Variants in STK32B observed in about 807,000 individuals in gnomAD.
The protein encoded by STK32B is serine/threonine kinase 32B.
Under a neutral mutation model 52.6 loss-of-function variants are expected in STK32B, and 43 were observed. The observed-to-expected ratio is 0.82, with a 90% CI of 0.64 to 1.05. The LOEUF (loss-of-function observed/expected upper bound fraction) is 1.05, where lower values mean the gene tolerates loss of function less well. STK32B is among the 50% of genes least tolerant of loss of function. The pLI, the probability that STK32B is intolerant of heterozygous loss-of-function variation, is 0.00. For missense variants in STK32B, 621 were observed against 534.6 expected (o/e 1.16, Z -1.59); for synonymous variants, 238 against 204.3 (o/e 1.17, Z -1.41).
intron 11 of STK32B, among the ~76,000 whole-genome samples, chr4:5,478,966 G>A (rs1718449778): frequency 6.6e-6 from 1 of 152,192 alleles, no homozygotes; most frequent in Admixed American, 6.5e-5. Flanking sequence ...TGGGCACCTA[G>A]GCTATGGCTC....
upstream of STK32B, among the ~76,000 whole-genome samples, chr4:5,048,121 G>GA (rs1553813344): frequency 1.4e-5 from 2 of 143,690 alleles, no homozygotes; most frequent in African/African-American, 2.5e-5. Flanking sequence ...ATAATTTTCT[G>GA]TTTTTTTTTT....
intron 9 of STK32B, among the ~76,000 whole-genome samples, chr4:5,464,932 G>T (rs1317088440): frequency 3.3e-5 from 5 of 152,212 alleles, no homozygotes; most frequent in Non-Finnish European, 7.3e-5. Context: ...GATTCAACTT[G>T]CTCCTTAGGG....
intron 1 of STK32B, among the ~76,000 whole-genome samples, chr4:5,078,065 G>A (rs1712186856): frequency 6.6e-6 from 1 of 152,044 alleles, no homozygotes; most frequent in African/African-American, 2.4e-5. Flanking sequence ...GGCTGCCACA[G>A]CTCCCACAAA....
chr4:5,142,291 G>A (rs140217166), intron 2 of STK32B, among the ~76,000 whole-genome samples: 4 of 152,150 alleles, frequency 2.6e-5, no homozygotes, highest in African/African-American at 7.2e-5. Context: ...TCTTCCCTGG[G>A]GAGTATTTTC....
chr4:5,266,629 A>G (rs966929250), intron 3 of STK32B, among the ~76,000 whole-genome samples: 2 of 152,166 alleles, frequency 1.3e-5, no homozygotes, highest in African/African-American at 4.8e-5. Flanking sequence ...TTTTAGTCTC[A>G]TATTAATTGA....
At chr4:5,139,167 C>G (rs556732509) in intron 1 of STK32B, among the ~76,000 whole-genome samples, 1 of 152,078 alleles carries the variant, frequency 6.6e-6, no homozygotes, top group Non-Finnish European at 1.5e-5. Context: ...CATGGAGCTA[C>G]CTGATGAAAG....
chr4:5,246,849 G>A (rs1298620896), intron 3 of STK32B, among the ~76,000 whole-genome samples: 1 of 152,164 alleles, frequency 6.6e-6, no homozygotes, highest in Non-Finnish European at 1.5e-5. Context: ...TTCAGACCCC[G>A]TTTTCCTGGG....
At chr4:5,185,156 C>T (rs13142045) in intron 3 of STK32B, among the ~76,000 whole-genome samples, 129,408 of 152,246 alleles carry the variant, frequency 0.85, 55,122 homozygotes, top group East Asian at 0.98. Flanking sequence ...GTTCGGACTG[C>T]ATTTTCAAAA....
At chr4:5,257,881 T>G (rs1331932667) in intron 3 of STK32B, among the ~76,000 whole-genome samples, 1 of 152,184 alleles carries the variant, frequency 6.6e-6, no homozygotes, top group African/African-American at 2.4e-5. Context: ...AGGCAGAAGT[T>G]TCAGTGAGCC....
At chr4:5,084,699 C>A (rs1712621083) in intron 1 of STK32B, among the ~76,000 whole-genome samples, 1 of 152,090 alleles carries the variant, frequency 6.6e-6, no homozygotes, top group South Asian at 2.1e-4. Flanking sequence ...GAAAAAGTAA[C>A]TTCTGTAAAA....
intron 4 of STK32B, among the ~76,000 whole-genome samples, chr4:5,372,353 G>A (rs1735297628): frequency 6.6e-6 from 1 of 152,102 alleles, no homozygotes; most frequent in African/African-American, 2.4e-5. Context: ...TGTCCAGCCG[G>A]GCTGTAGGTG....
chr4:5,220,398 T>G (rs1689879423), intron 3 of STK32B, among the ~76,000 whole-genome samples: 1 of 151,960 alleles, frequency 6.6e-6, no homozygotes, highest in African/African-American at 2.4e-5. Flanking sequence ...AGATAGAGAG[T>G]AGTAAACAAA....
At chr4:5,137,954 G>C (rs1038850594) in intron 1 of STK32B, among the ~76,000 whole-genome samples, 2 of 152,162 alleles carry the variant, frequency 1.3e-5, no homozygotes, top group Non-Finnish European at 2.9e-5. Context: ...TTGCTGATTT[G>C]AGGACCCGAC....
chr4:5,191,671 G>A (rs1454374560), intron 3 of STK32B, among the ~76,000 whole-genome samples: 2 of 152,160 alleles, frequency 1.3e-5, no homozygotes, highest in African/African-American at 4.8e-5. Flanking sequence ...TGCTCAGCGA[G>A]TCTGAAAGTT....
chr4:5,482,150 C>T (rs1718770146), intron 11 of STK32B, among the ~76,000 whole-genome samples: 1 of 152,142 alleles, frequency 6.6e-6, no homozygotes, highest in Admixed American at 6.5e-5. Flanking sequence ...ATGGGGATGG[C>T]ATTGAATCTA....
At chr4:5,179,669 A>G (rs1210839499) in intron 3 of STK32B, among the ~76,000 whole-genome samples, 4 of 152,220 alleles carry the variant, frequency 2.6e-5, no homozygotes, top group Non-Finnish European at 5.9e-5. Flanking sequence ...AAAGGTCACC[A>G]GATCATTGGT....
At chr4:5,335,470 C>G (rs561732966) in intron 4 of STK32B, among the ~76,000 whole-genome samples, 2 of 152,180 alleles carry the variant, frequency 1.3e-5, no homozygotes, top group South Asian at 2.1e-4. Context: ...TTTTATGTCT[C>G]TCTTTCCTTC....
chr4:5,243,282 G>A (rs1725176232), intron 3 of STK32B, among the ~76,000 whole-genome samples: 1 of 152,142 alleles, frequency 6.6e-6, no homozygotes, highest in Admixed American at 6.5e-5. Flanking sequence ...TCTCCTTGAA[G>A]AGGTCCTTCA....
At position 5,081,296 on chromosome 4, in the gene STK32B, CTCTT is replaced by C. The variant is rs148464228; in HGVS notation, c.52+29383_52+29386del. Among the ~76,000 whole-genome samples, 1,362 of 152,162 alleles carry C rather than the reference CTCTT, an allele frequency of 9.0e-3. 16 individuals are homozygous for C. Among genetic ancestry groups the C allele is most frequent in the African/African-American group, 0.031 (1,279 of 41,538 alleles). ...TTTCTCTTGATGCTTTCAAAATTATCTCTTTGTCTTTTATTTTTAATAGTTTGAT... is the reference window on the plus strand; with the variant it reads ...TTTCTCTTGATGCTTTCAAAATTATCTGTCTTTTATTTTTAATAGTTTGAT... On this transcript the variant is annotated intron_variant, in intron 1 of 11. Coordinates refer to ENST00000282908, the MANE Select transcript of STK32B (RefSeq NM_018401.3).
Sources: gnomAD v4.1 joint callset for allele counts (sites outside exome capture counted in the v4.1 genomes callset) on GRCh38, gnomAD v4.1.1 for gene constraint, MANE v1.5 for transcripts, NCBI Gene and HGNC (gene_info 2026-07-23, HGNC 2026-07-21) for gene names.